TGM7: variants seen among roughly 807,000 people sequenced by gnomAD.
TGM7 encodes the protein protein-glutamine gamma-glutamyltransferase Z.
In TGM7, 74 loss-of-function variants were observed where a neutral mutation model predicts 79.5. That is an observed-to-expected ratio of 0.93 (90% CI 0.77 to 1.13). The LOEUF (loss-of-function observed/expected upper bound fraction) is 1.13, where lower values mean the gene tolerates loss of function less well. TGM7 is among the 50% of genes most tolerant of loss of function. The probability of loss-of-function intolerance (pLI) is 0.00; values close to 1 mark genes in which losing one functional copy is unlikely to be tolerated. For missense variants in TGM7, 912 were observed against 905.9 expected (o/e 1.01, Z -0.09); for synonymous variants, 354 against 362.5 (o/e 0.98, Z 0.27).
intron 4 of TGM7, among the ~76,000 whole-genome samples, chr15:43,288,122 G>C (rs988110349): frequency 1.3e-5 from 2 of 152,138 alleles, no homozygotes; most frequent in Non-Finnish European, 2.9e-5. Context: ...ATCAATGTAG[G>C]GCCACACGTG....
rs371669022 is a variant in TGM7, at chr15:43,276,958, A to T, written c.1877T>A (p.Val626Asp). 9 of 1,613,572 alleles carry T rather than the reference A, an allele frequency of 5.6e-6. No homozygotes were observed. The highest frequency in any genetic ancestry group is 1.7e-5 in the Admixed American group (1 of 59,940). Reference protein sequence around the residue: ...ERAEVGKALRVHVTLTNTLMV... With the variant: ...ERAEVGKALRDHVTLTNTLMV... ...TAAGGTGTTGGTGAGGGTGACATGGACTCTCAGCGCCTTGCCCACCTCAGC... is the reference window on the plus strand; with the variant it reads ...TAAGGTGTTGGTGAGGGTGACATGGTCTCTCAGCGCCTTGCCCACCTCAGC... Residue 626 changes from valine (V) to aspartate (D), a missense_variant, in exon 12 of 13, where the codon GTC (valine) becomes GAC (aspartate). Val to Asp is a radical substitution (Grantham distance 152). Coordinates refer to ENST00000452443, the MANE Select transcript of TGM7 (RefSeq NM_052955.3).
intron 9 of TGM7, 106 bp downstream of exon 9, chr15:43,281,738 A>C (rs2042909760): frequency 5.2e-6 from 8 of 1,525,652 alleles, no homozygotes; most frequent in Non-Finnish European, 7.1e-6. Context: ...GTTTGCCATG[A>C]GGAAGAGGTG....
At chr15:43,298,522 C>T (rs777642576) in intron 1 of TGM7, among the ~76,000 whole-genome samples, 4 of 152,216 alleles carry the variant, frequency 2.6e-5, no homozygotes, top group South Asian at 2.1e-4. Flanking sequence ...TTTGGGAGGC[C>T]GAGGCGGGCG....
chr15:43,276,841 G>A, intron 12 of TGM7, 21 bp downstream of exon 12: 2 of 1,611,840 alleles, frequency 1.2e-6, no homozygotes, highest in African/African-American at 1.3e-5. Context: ...CAAGGGGGAG[G>A]TGGGCAGAAG....
At chr15:43,294,755 A>C (rs986270472) in intron 1 of TGM7, among the ~76,000 whole-genome samples, 2 of 152,220 alleles carry the variant, frequency 1.3e-5, no homozygotes, top group African/African-American at 2.4e-5. Flanking sequence ...GCAATGTCTG[A>C]AGACATTTTT....
chr15:43,295,650 T>C (rs1299769330), intron 1 of TGM7, among the ~76,000 whole-genome samples: 4 of 152,220 alleles, frequency 2.6e-5, no homozygotes, highest in African/African-American at 9.7e-5. Flanking sequence ...TTTAACTACA[T>C]CTAATCTTTG....
intron 1 of TGM7, among the ~76,000 whole-genome samples, chr15:43,298,523 G>A (rs1296273474): frequency 6.6e-6 from 1 of 152,186 alleles, no homozygotes; most frequent in Non-Finnish European, 1.5e-5. Flanking sequence ...TTGGGAGGCC[G>A]AGGCGGGCGG....
intron 1 of TGM7, among the ~76,000 whole-genome samples, chr15:43,301,784 AGGG>A (rs571686775): frequency 7.7e-4 from 117 of 152,014 alleles, no homozygotes; most frequent in Non-Finnish European, 1.4e-3. Context: ...GGATCGAAAA[AGGG>A]GCCTGAACTC....
chr15:43,292,902 C>G lies in TGM7; in HGVS notation c.246G>C (p.Arg82=). The change falls in exon 3 of 13, where the codon CGG becomes CGC. Residue 82 remains arginine, a synonymous_variant. Coordinates refer to ENST00000452443, the MANE Select transcript of TGM7 (RefSeq NM_052955.3). The part of the protein sequence containing the change: ...LGTRATFFLT[R]VQPGNVWSAS... The stretch of plus-strand genomic sequence containing the variant: ...CGCTCCAGACATTCCCGGGCTGGAC[C>G]CGGGTGAGGAAGAATGTGGCTCGGG... 6.2e-7 allele frequency: 1 copy of G among 1,613,792 alleles called. No individual in the cohort carries two copies. Among genetic ancestry groups the G allele is most frequent in the East Asian group, 2.2e-5 (1 of 44,880 alleles).
rs756432335 is a variant in TGM7 at position 43,276,866 on chromosome 15, T to C, written c.1969A>G (p.Lys657Glu). The stretch of plus-strand genomic sequence containing the variant: ...GTGGGCAGAAGCGTCACTTACTCCT[T>C]TGCTATCTGCCCATTGATGAGGCCG... ...GSGLINGQIA[K>E]DLGTLVAGHT... The change falls in exon 12 of 13, where the codon AAG becomes GAG. Residue 657 changes from lysine to glutamate, a missense_variant. Coordinates refer to ENST00000452443, the MANE Select transcript of TGM7 (RefSeq NM_052955.3). 1.2e-6 allele frequency: 2 copies of C among 1,614,058 alleles called. No individual in the cohort carries two copies. The highest frequency in any genetic ancestry group is 1.1e-5 in the South Asian group (1 of 91,072).
intron 1 of TGM7, among the ~76,000 whole-genome samples, chr15:43,301,220 C>T (rs1481812217): frequency 6.6e-6 from 1 of 151,908 alleles, no homozygotes; most frequent in Admixed American, 6.5e-5. Context: ...TCAGCTCAAG[C>T]GACCCGCTTG....
At chr15:43,281,172 C>T (rs1190673593) in intron 9 of TGM7, among the ~76,000 whole-genome samples, 4 of 152,248 alleles carry the variant, frequency 2.6e-5, no homozygotes, top group Admixed American at 2.0e-4. Context: ...TCTCAACAGC[C>T]GTCCGAGGGA....
Position 43,276,901 on chromosome 15 carries a change from A to G in TGM7, c.1934T>C (p.Leu645Pro). Residue 645 changes from leucine (L) to proline (P), a missense_variant, in exon 12 of 13, where the codon CTG becomes CCG. Physicochemically the swap from Leu to Pro is moderately conservative, Grantham distance 98. Coordinates refer to ENST00000452443, the MANE Select transcript of TGM7 (RefSeq NM_052955.3). Reference sequence around the variant, plus strand: ...CCCATTGATGAGGCCGCTTCCTTCCAGCACCATCGTGCAGCTGCTCAGAGC... The same window carrying G: ...CCCATTGATGAGGCCGCTTCCTTCCGGCACCATCGTGCAGCTGCTCAGAGC... ...MVALSSCTMV[L>P]EGSGLINGQI... The G allele has an allele frequency of 6.2e-7, 1 of 1,614,162 alleles. No homozygotes were observed. The highest frequency in any genetic ancestry group is 1.1e-5 in the South Asian group (1 of 91,080).
intron 4 of TGM7, among the ~76,000 whole-genome samples, chr15:43,290,306 A>G (rs1486962132): frequency 6.6e-6 from 1 of 152,180 alleles, no homozygotes; most frequent in Non-Finnish European, 1.5e-5. Context: ...TCCCAGCACC[A>G]TTTATTAAAT....
rs778736430 is a variant in TGM7, at chr15:43,284,769, C to A, written c.1004+45G>T. ...AGAGAACCAGGTCAGTTTTTCTGCC[C>A]TCCCTGGGACAAAGCAGAGATCTGT... On this transcript the variant is annotated intron_variant, in intron 7 of 12. Transcript: ENST00000452443. 2.5e-6 allele frequency: 4 copies of A among 1,600,772 alleles called. No homozygotes were observed. The East Asian group carries it at 6.7e-5, about 27-fold the overall frequency.
Position 43,282,553 on chromosome 15 carries a change from G to T in TGM7, c.1072C>A (p.Gln358Lys), listed in dbSNP as rs1292940217. 6.2e-7 allele frequency: 1 copy of T among 1,600,682 alleles called. No individual in the cohort carries two copies. Among genetic ancestry groups the T allele is most frequent in the Admixed American group, 1.7e-5 (1 of 58,088 alleles). ...KDLPPGYNGW[Q>K]VLDPTPQQTS... ...TGCTGGGGAGTGGGGTCCAGAACCT[G>T]CCACCCGTTGTATCCTGGTGGGAGA... The change falls in exon 8 of 13, where the codon CAG (glutamine) becomes AAG (lysine). Residue 358 changes from glutamine (Q) to lysine (K), a missense_variant. Physicochemically the swap from Gln to Lys is moderately conservative, Grantham distance 53. Transcript: ENST00000452443.
At chr15:43,281,223 G>A (rs518234) in intron 9 of TGM7, among the ~76,000 whole-genome samples, 69,629 of 151,748 alleles carry the variant, frequency 0.46, 19,667 homozygotes, top group African/African-American at 0.8. Flanking sequence ...GAGGCACAGG[G>A]GTGGTAAACT....
At chr15:43,291,885 A>T in intron 4 of TGM7, 94 bp downstream of exon 4, 1 of 876,028 alleles carries the variant, frequency 1.1e-6, no homozygotes, top group Non-Finnish European at 1.8e-6. Flanking sequence ...GCCCTCTATG[A>T]GGGCTGTGTA....
intron 2 of TGM7, 70 bp from the exon 3 acceptor site, chr15:43,293,024 G>T: frequency 6.4e-7 from 1 of 1,564,582 alleles, no homozygotes; most frequent in Non-Finnish European, 8.7e-7. Flanking sequence ...CAGGGGAGTC[G>T]GAAGGACCGT....
Sources: allele counts gnomAD v4.1 joint callset (sites outside exome capture counted in the v4.1 genomes callset), GRCh38; gene constraint gnomAD v4.1.1; transcripts MANE v1.5; gene names NCBI Gene and HGNC (gene_info 2026-07-23, HGNC 2026-07-21).